Variants in KBTBD2 observed in about 807,000 individuals in gnomAD.
KBTBD2 encodes the protein kelch repeat and BTB domain-containing protein 2.
Under a neutral mutation model 57.1 loss-of-function variants are expected in KBTBD2, and 17 were observed. That is an observed-to-expected ratio of 0.30 (90% CI 0.20 to 0.45). KBTBD2 has a LOEUF of 0.45. Ranked by LOEUF, KBTBD2 falls within the 20% of genes least tolerant of loss-of-function variation. The pLI, the probability that KBTBD2 is intolerant of heterozygous loss-of-function variation, is 1.00. For missense variants in KBTBD2, 515 were observed against 750.6 expected, an observed-to-expected ratio of 0.69 and a Z score of 3.67; for synonymous variants, 267 against 262.7, an observed-to-expected ratio of 1.02 and a Z score of -0.16.
chr7:32,890,766 C>T (rs1490039428), intron 1 of KBTBD2, among the ~76,000 whole-genome samples: 1 of 152,112 alleles, frequency 6.6e-6, no homozygotes, highest in Non-Finnish European at 1.5e-5. Flanking sequence ...GAAGGGGTCA[C>T]CGTGGTAGCC....
intron 1 of KBTBD2, among the ~76,000 whole-genome samples, chr7:32,885,026 A>ATATGTG (rs1784542240): frequency 6.8e-6 from 1 of 146,822 alleles, no homozygotes; most frequent in African/African-American, 2.5e-5. Context: ...ATACACACAC[A>ATATGTG]TACACACACA....
chr7:32,879,700 C>A lies in KBTBD2; in HGVS notation c.-96G>T. 1.0e-6 allele frequency: 1 copy of A among 972,218 alleles called. No homozygotes were observed. Among genetic ancestry groups the A allele is most frequent in the Non-Finnish European group, 1.6e-6 (1 of 639,808 alleles). 60.2% of individuals were successfully genotyped at this position (972,218 alleles called of 1,614,324 possible). A position where few individuals can be genotyped will look rare whatever the true frequency, so the allele number is the denominator to read the frequency against. On this transcript the variant is annotated 5_prime_UTR_variant, in exon 2 of 4. Coordinates refer to ENST00000304056, the MANE Select transcript of KBTBD2 (RefSeq NM_015483.3). ...TACTTCAGAAATAAAGGAGAACCTA[C>A]TTGCTGTTATCTGCAGCATTCAGTA... is the stretch of plus-strand genomic sequence containing the variant.
intron 1 of KBTBD2, among the ~76,000 whole-genome samples, chr7:32,885,334 T>C (rs1784550314): frequency 6.6e-6 from 1 of 152,000 alleles, no homozygotes; most frequent in Admixed American, 6.6e-5. Flanking sequence ...ATCTAATTTA[T>C]ATATATTCCA....
intron 1 of KBTBD2, among the ~76,000 whole-genome samples, chr7:32,885,966 T>C (rs1345032629): frequency 5.4e-5 from 8 of 149,294 alleles, no homozygotes; most frequent in Non-Finnish European, 1.0e-4. Context: ...TGGAGTGCAA[T>C]GGTGTGATCT....
At chr7:32,871,027 T>C in intron 3 of KBTBD2, 147 bp from the exon 4 acceptor site, 1 of 568,818 alleles carries the variant, frequency 1.8e-6, no homozygotes, top group East Asian at 2.9e-5. Context: ...TAAGGTCTTC[T>C]GGTAGTAATA....
In KBTBD2 at chr7:32,869,253, GT is replaced by G. The variant is rs1220940296; in HGVS notation, c.*91del. ...AAATTTATCAAAGATAGAATTTTAT[GT>G]ACTCATATTTAGTTCTTTCATAGCC... On this transcript the variant is annotated 3_prime_UTR_variant, in exon 4 of 4. Transcript: ENST00000304056. 5 of 839,658 alleles carry G rather than the reference GT, an allele frequency of 6.0e-6. No homozygotes were observed. The highest frequency in any genetic ancestry group is 9.3e-6 in the Non-Finnish European group (5 of 537,642). 52.0% of individuals were successfully genotyped at this position (839,658 alleles called of 1,614,324 possible). A position where few individuals can be genotyped will look rare whatever the true frequency, so the allele number is the denominator to read the frequency against.
At chr7:32,887,561 G>A (rs567418529) in intron 1 of KBTBD2, among the ~76,000 whole-genome samples, 1 of 152,278 alleles carries the variant, frequency 6.6e-6, no homozygotes, top group East Asian at 1.9e-4. Flanking sequence ...GGAATGATAG[G>A]TCTCCCTCCA....
At chr7:32,880,234 A>T (rs1237826740) in intron 1 of KBTBD2, among the ~76,000 whole-genome samples, 1 of 152,206 alleles carries the variant, frequency 6.6e-6, no homozygotes, top group Non-Finnish European at 1.5e-5. Context: ...CTCTTTCAAA[A>T]TAGACAACTT....
intron 2 of KBTBD2, among the ~76,000 whole-genome samples, chr7:32,878,034 C>A (rs1423871587): frequency 6.6e-6 from 1 of 151,164 alleles, no homozygotes; most frequent in Non-Finnish European, 1.5e-5. Context: ...ACCACTTGAA[C>A]CTGGGAGGCA....
Position 32,868,308 on chromosome 7 carries a change from T to A in KBTBD2, c.*1037A>T, listed in dbSNP as rs1205342730. 6.6e-6 allele frequency: 1 copy of A among 152,612 alleles called. No individual in the cohort carries two copies. The highest frequency in any genetic ancestry group is 1.9e-4 in the East Asian group (1 of 5,194). 9.5% of individuals were successfully genotyped at this position (152,612 alleles called of 1,614,324 possible). A position where few individuals can be genotyped will look rare whatever the true frequency, so the allele number is the denominator to read the frequency against. On this transcript the variant is annotated 3_prime_UTR_variant, in exon 4 of 4. Transcript: ENST00000304056. ...TAGATTGGCGGCGCCCCACTACTGC[T>A]AGTGGTTCCTGGGATTAATGCCAGA...
chr7:32,874,430 AAAT>A (rs1249302189), intron 3 of KBTBD2: 2 of 151,218 alleles, frequency 1.3e-5, no homozygotes, highest in Non-Finnish European at 2.9e-5. Context: ...ATAAATAAAT[AAAT>A]AAATAAATAA....
In KBTBD2 at chr7:32,869,878, C is replaced by G; in HGVS notation, c.1339G>C (p.Asp447His). 1 of 1,613,754 alleles carries G rather than the reference C, an allele frequency of 6.2e-7. No individual in the cohort carries two copies. The highest frequency in any genetic ancestry group is 8.5e-7 in the Non-Finnish European group (1 of 1,180,028). ...NLMYCYFPRS[D>H]SWVEMAMRQT... is the part of the protein sequence containing the mutation. ...CTCATGGCCATTTCTACCCATGAGT[C>G]AGACCTTGGAAAATAACAGTACATG... The change falls in exon 4 of 4, where the codon GAC (aspartate) becomes CAC (histidine). Residue 447 changes from aspartate to histidine, a missense_variant. Asp to His is a moderately conservative substitution (Grantham distance 81, BLOSUM62 -1). Transcript: ENST00000304056.
In KBTBD2 at chr7:32,882,668, G is replaced by A. The variant is rs1341003735; in HGVS notation, c.-338-2726C>T. Reference sequence around the variant, plus strand: ...GTAAGTCATTCAGATATGACACTAAGTAAATAAACAAGTACAATTAAAAAT... The same window carrying A: ...GTAAGTCATTCAGATATGACACTAAATAAATAAACAAGTACAATTAAAAAT... On this transcript the variant is annotated intron_variant, in intron 1 of 3. Coordinates refer to ENST00000304056, the MANE Select transcript of KBTBD2 (RefSeq NM_015483.3). Among the ~76,000 whole-genome samples, 5 of 152,292 alleles carry A rather than the reference G, an allele frequency of 3.3e-5. 1 individual carries two copies. Among genetic ancestry groups the A allele is most frequent in the African/African-American group, 1.2e-4 (5 of 41,566 alleles).
Position 32,873,288 on chromosome 7 carries a change from T to C in KBTBD2, c.336+1704A>G, listed in dbSNP as rs1583774588. 3.3e-5 allele frequency among the ~76,000 whole-genome samples: 5 copies of C among 149,618 alleles called. No individual in the cohort carries two copies. The East Asian group carries it at 9.8e-4, about 29-fold the overall frequency. On this transcript the variant is annotated intron_variant, in intron 3 of 3. Transcript: ENST00000304056. ...TAAATACTTCTCCTTAATTGCTCAA[T>C]ATGGTCACATAGCCATTATAAATAT... is the stretch of plus-strand genomic sequence containing the variant.
chr7:32,889,551 A>G (rs1373295139), intron 1 of KBTBD2, among the ~76,000 whole-genome samples: 1 of 152,158 alleles, frequency 6.6e-6, no homozygotes, highest in Non-Finnish European at 1.5e-5. Context: ...CAGTGAGCCG[A>G]GATCGTGACA....
chr7:32,889,624 G>A (rs1784679484), intron 1 of KBTBD2, among the ~76,000 whole-genome samples: 2 of 152,044 alleles, frequency 1.3e-5, no homozygotes, highest in South Asian at 4.2e-4. Flanking sequence ...AGATCAACCT[G>A]TCATTTCTAA....
At chr7:32,881,846 T>C (rs2127954339) in intron 1 of KBTBD2, among the ~76,000 whole-genome samples, 2 of 152,326 alleles carry the variant, frequency 1.3e-5, no homozygotes, top group East Asian at 3.9e-4. Flanking sequence ...CACAATCCCT[T>C]ATTCAAAACT....
At chr7:32,873,977 A>C (rs1033054653) in intron 3 of KBTBD2, among the ~76,000 whole-genome samples, 1 of 152,204 alleles carries the variant, frequency 6.6e-6, no homozygotes, top group Non-Finnish European at 1.5e-5. Context: ...AAAAGACATT[A>C]CTGGGCCAGG....
chr7:32,891,974 C>G (rs1262826422), upstream of KBTBD2: 1 of 130,188 alleles, frequency 7.7e-6, no homozygotes, highest in Non-Finnish European at 1.6e-5. Flanking sequence ...GCCAGCCTGC[C>G]GCGCCCGCCC....
Sources: allele counts gnomAD v4.1 joint callset (sites outside exome capture counted in the v4.1 genomes callset), GRCh38; gene constraint gnomAD v4.1.1; transcripts MANE v1.5; gene names NCBI Gene and HGNC (gene_info 2026-07-23, HGNC 2026-07-21).